LRBA: variants seen among roughly 807,000 people sequenced by gnomAD.
LRBA encodes the protein LPS responsive beige-like anchor protein.
LRBA carries 176 observed loss-of-function variants against 330.0 expected under a neutral mutation model. The ratio of observed to expected loss-of-function variants is 0.53; its 90% CI spans 0.47 to 0.60. The LOEUF is 0.60. LRBA is among the 20% of genes least tolerant of loss of function. The probability of loss-of-function intolerance (pLI) is 0.00; values close to 1 mark genes in which losing one functional copy is unlikely to be tolerated. For missense variants in LRBA, 3,259 were observed against 3,444.8 expected, an observed-to-expected ratio of 0.95 and a Z score of 1.35; for synonymous variants, 1,230 against 1,193.0, an observed-to-expected ratio of 1.03 and a Z score of -0.64.
chr4:150,417,727 T>C (rs1357458687), intron 46 of LRBA, among the ~76,000 whole-genome samples: 2 of 152,142 alleles, frequency 1.3e-5, no homozygotes, highest in Non-Finnish European at 2.9e-5. Flanking sequence ...ATCATTTCCA[T>C]TGTAAATTAG....
intron 35 of LRBA, among the ~76,000 whole-genome samples, chr4:150,746,921 G>T (rs577137293): frequency 6.6e-6 from 1 of 152,138 alleles, no homozygotes; most frequent in African/African-American, 2.4e-5. Flanking sequence ...TTCTTTCCAT[G>T]AGTCTTACTA....
Position 150,955,522 on chromosome 4 carries a change from G to A in LRBA, c.217-26457C>T, listed in dbSNP as rs776258726. 7.4e-5 allele frequency among the ~76,000 whole-genome samples: 11 copies of A among 148,906 alleles called. 2 individuals are homozygous for A. Among genetic ancestry groups the A allele is most frequent in the Admixed American group, 3.3e-4 (5 of 15,180 alleles). On this transcript the variant is annotated intron_variant, in intron 2 of 56. Transcript: ENST00000651943. The stretch of plus-strand genomic sequence containing the variant: ...TGGTCTAGCTACTCAGGAGGCTGAC[G>A]CAGGAAGATTGCTTGAGCCCAGGAG...
chr4:150,418,584 G>A (rs1409161276), intron 46 of LRBA, among the ~76,000 whole-genome samples: 3 of 151,696 alleles, frequency 2.0e-5, no homozygotes, highest in East Asian at 1.9e-4. Context: ...TTGTACAATG[G>A]GCATTGTAAA....
chr4:151,014,344 T>G, intron 2 of LRBA, 83 bp downstream of exon 2: 4 of 1,160,946 alleles, frequency 3.4e-6, no homozygotes, highest in South Asian at 1.4e-5. Context: ...TCAGTGTGAG[T>G]AAACCACATG....
At chr4:150,849,663 G>A in intron 24 of LRBA, 88 bp from the exon 25 acceptor site, 1 of 1,040,994 alleles carries the variant, frequency 9.6e-7, no homozygotes, top group Non-Finnish European at 1.5e-6. Context: ...ATAAGAAGGT[G>A]CTTTTGCTTC....
At chr4:150,988,483 A>G (rs368360220) in intron 2 of LRBA, among the ~76,000 whole-genome samples, 16 of 152,248 alleles carry the variant, frequency 1.1e-4, no homozygotes, top group African/African-American at 3.6e-4. Context: ...ATATGAAAAA[A>G]TGCAAGAATG....
chr4:150,572,127 G>T (rs1490277125), intron 40 of LRBA, among the ~76,000 whole-genome samples: 1 of 151,964 alleles, frequency 6.6e-6, no homozygotes, highest in Non-Finnish European at 1.5e-5. Flanking sequence ...ATAACCACAT[G>T]AAATGCTCTG....
intron 13 of LRBA, among the ~76,000 whole-genome samples, chr4:150,901,213 C>T (rs1415427389): frequency 6.6e-6 from 1 of 152,064 alleles, no homozygotes; most frequent in Admixed American, 6.6e-5. Context: ...GCAAGAGAAT[C>T]GCTTGAACCC....
rs1202145727 is a variant in LRBA at position 150,831,811 on chromosome 4, A to G, written c.4729+6T>C. 6.3e-7 allele frequency: 1 copy of G among 1,575,936 alleles called. No homozygotes were observed. The highest frequency in any genetic ancestry group is 8.6e-7 in the Non-Finnish European group (1 of 1,161,286). ...TGGTACAAAGGAATAGAAAATGCAA[A>G]CTTACCAGAGAGTGATACATTCTCA... is the stretch of plus-strand genomic sequence containing the variant. On this transcript the variant is annotated splice_donor_region_variant and intron_variant, in intron 29 of 56. Transcript: ENST00000651943.
At chr4:150,275,030 A>AT (rs1342945928) in intron 56 of LRBA, among the ~76,000 whole-genome samples, 3 of 152,234 alleles carry the variant, frequency 2.0e-5, no homozygotes, top group Admixed American at 6.5e-5. Context: ...AAAATCCTCA[A>AT]TAAAATACTG....
chr4:150,737,487 G>A (rs867061744), intron 35 of LRBA, among the ~76,000 whole-genome samples: 9 of 146,154 alleles, frequency 6.2e-5, no homozygotes, highest in Middle Eastern at 3.5e-3. Flanking sequence ...ATGAACGAAC[G>A]AAGGAAAAAG....
At chr4:150,465,882 A>G (rs1017189570) in intron 44 of LRBA, among the ~76,000 whole-genome samples, 3 of 152,130 alleles carry the variant, frequency 2.0e-5, no homozygotes, top group African/African-American at 7.2e-5. Context: ...AATTAACAAA[A>G]CAAAATCTTT....
Position 150,697,581 on chromosome 4 carries a change from CA to C in LRBA, c.5755-13865del, listed in dbSNP as rs531982255. Among the ~76,000 whole-genome samples the C allele has an allele frequency of 1.6e-3, 239 of 151,916 alleles. 2 individuals carry two copies. The highest frequency in any genetic ancestry group is 5.5e-3 in the African/African-American group (229 of 41,478). On this transcript the variant is annotated intron_variant, in intron 36 of 56. Coordinates refer to ENST00000651943, the MANE Select transcript of LRBA (RefSeq NM_001364905.1). ...TTATATTTTTCTTGGGTAACTAATACATTTTTTTTACCAATTACCTTCATAA... is the reference window on the plus strand; with the variant it reads ...TTATATTTTTCTTGGGTAACTAATACTTTTTTTTACCAATTACCTTCATAA...
In LRBA at chr4:150,908,647, T is replaced by C. The variant is rs1553996427; in HGVS notation, c.1359+13A>G. 5 of 1,601,202 alleles carry C rather than the reference T, an allele frequency of 3.1e-6. No individual in the cohort carries two copies. In the South Asian group the frequency reaches 3.4e-5, roughly 11 times the overall value. On this transcript the variant is annotated intron_variant, in intron 10 of 56. Transcript: ENST00000651943. ...TACCATTATAAATGTTCTTAAAAGA[T>C]CACAGTTAGTACCTGGAGCATGAGT...
At chr4:150,286,866 T>C (rs944134980) in intron 53 of LRBA, among the ~76,000 whole-genome samples, 1 of 152,226 alleles carries the variant, frequency 6.6e-6, no homozygotes, top group Non-Finnish European at 1.5e-5. Flanking sequence ...AAAATGGTAA[T>C]GGTCTTGATT....
chr4:150,421,927 G>C (rs1465532222), intron 46 of LRBA, among the ~76,000 whole-genome samples: 1 of 152,014 alleles, frequency 6.6e-6, no homozygotes, highest in Non-Finnish European at 1.5e-5. Context: ...CAAAATGGAG[G>C]GCCTTAAAAT....
intron 35 of LRBA, among the ~76,000 whole-genome samples, chr4:150,753,336 A>C (rs1385085737): frequency 2.0e-5 from 3 of 152,238 alleles, no homozygotes; most frequent in Non-Finnish European, 4.4e-5. Context: ...ATGGACCAGC[A>C]CGTGGCCAGT....
chr4:151,002,969 G>A (rs549956938), intron 2 of LRBA, among the ~76,000 whole-genome samples: 10 of 151,912 alleles, frequency 6.6e-5, no homozygotes, highest in Admixed American at 1.3e-4. Context: ...AACCGAGATC[G>A]CACTACTGCA....
intron 44 of LRBA, among the ~76,000 whole-genome samples, chr4:150,461,595 A>G (rs1185224998): frequency 6.6e-6 from 1 of 151,760 alleles, no homozygotes; most frequent in Non-Finnish European, 1.5e-5. Context: ...GGTTAAAGGA[A>G]TTACCACACA....
Sources: allele counts gnomAD v4.1 joint callset (sites outside exome capture counted in the v4.1 genomes callset), GRCh38; gene constraint gnomAD v4.1.1; transcripts MANE v1.5; gene names NCBI Gene and HGNC (gene_info 2026-07-23, HGNC 2026-07-21).